Variants in IHO1 observed in about 807,000 individuals in gnomAD.
IHO1 encodes the protein interactor of HORMAD1 protein 1.
IHO1 carries 13 observed loss-of-function variants against 31.0 expected under a neutral mutation model. The ratio of observed to expected loss-of-function variants is 0.42; its 90% confidence interval spans 0.27 to 0.67. The LOEUF (loss-of-function observed/expected upper bound fraction) is 0.67, where lower values mean the gene tolerates loss of function less well. Ranked by LOEUF, IHO1 falls within the 30% of genes least tolerant of loss-of-function variation. The pLI, the probability that IHO1 is intolerant of heterozygous loss-of-function variation, is 0.24. For synonymous variants in IHO1, 221 were observed against 248.4 expected (o/e 0.89, Z 1.04); for missense variants, 599 against 687.5 (o/e 0.87, Z 1.44).
intron 2 of IHO1, among the ~76,000 whole-genome samples, chr3:49,229,607 A>G (rs1268238244): frequency 6.6e-6 from 1 of 152,212 alleles, no homozygotes; most frequent in African/African-American, 2.4e-5. Context: ...ATTACTGATA[A>G]ACATCATACC....
Position 49,256,407 on chromosome 3 carries a change from G to A in IHO1, c.910G>A (p.Ala304Thr). 6.2e-7 allele frequency: 1 copy of A among 1,614,146 alleles called. No individual in the cohort carries two copies. Among genetic ancestry groups the A allele is most frequent in the South Asian group, 1.1e-5 (1 of 91,088 alleles). ...TTTATGGCAGGCCCAGGCCCTCCCTGCTGCATGGAATCCTGGTATGGGCTC... is the reference window on the plus strand; with the variant it reads ...TTTATGGCAGGCCCAGGCCCTCCCTACTGCATGGAATCCTGGTATGGGCTC... ...PVLWQAQALPAAWNPGMGSLQ... is the reference protein window; with the variant it reads ...PVLWQAQALPTAWNPGMGSLQ... Residue 304 changes from alanine (A) to threonine (T), a missense_variant, in exon 8 of 8, where the codon GCT becomes ACT. Physicochemically the swap from Ala to Thr is moderately conservative, Grantham distance 58 (BLOSUM62 0). Transcript: ENST00000452691. The surrounding 1 kb of genome is among the most constrained non-coding windows in gnomAD (Gnocchi z 4.6).
chr3:49,237,366 A>G (rs1330614151), intron 3 of IHO1, among the ~76,000 whole-genome samples: 1 of 152,092 alleles, frequency 6.6e-6, no homozygotes, highest in Non-Finnish European at 1.5e-5. Flanking sequence ...AAACAAAACA[A>G]AAAAACCCGA....
chr3:49,256,485 C>A lies in IHO1; in HGVS notation c.988C>A (p.Leu330Ile). ...VWGEGAKNDD[L>I]QEEAALPAFG... is the part of the protein sequence containing the mutation. ...GGGTGAAGGAGCAAAGAATGATGAT[C>A]TCCAAGAAGAGGCTGCACTGCCAGC... The change falls in exon 8 of 8, where the codon CTC (leucine) becomes ATC (isoleucine). Residue 330 changes from leucine (L) to isoleucine (I), a missense_variant. Leu to Ile is a conservative substitution (Grantham distance 5). Transcript: ENST00000452691. This position sits in a 1 kb window ranked among gnomAD's most constrained non-coding sequence, Gnocchi z 4.6. The A allele has an allele frequency of 6.2e-7, 1 of 1,614,160 alleles. No individual in the cohort carries two copies. The highest frequency in any genetic ancestry group is 8.5e-7 in the Non-Finnish European group (1 of 1,180,034).
chr3:49,209,621 GT>G (rs1199906034), intron 1 of IHO1, among the ~76,000 whole-genome samples: 1 of 151,160 alleles, frequency 6.6e-6, no homozygotes, highest in Non-Finnish European at 1.5e-5. Flanking sequence ...GCGTGACAGA[GT>G]GGGACTTCAT....
At chr3:49,255,891 A>AGG (rs1431995822) in intron 7 of IHO1, among the ~76,000 whole-genome samples, 1 of 151,906 alleles carries the variant, frequency 6.6e-6, no homozygotes, top group East Asian at 1.9e-4. Context: ...CTAAGACAAG[A>AGG]GGCCAGCACA....
intron 6 of IHO1, among the ~76,000 whole-genome samples, chr3:49,247,100 C>T (rs376079724): frequency 1.3e-4 from 19 of 151,988 alleles, no homozygotes; most frequent in African/African-American, 3.9e-4. Context: ...CTGCCCACCT[C>T]GGCCTCCCAA....
At chr3:49,224,462 G>C (rs2046394179) in intron 2 of IHO1, among the ~76,000 whole-genome samples, 1 of 152,236 alleles carries the variant, frequency 6.6e-6, no homozygotes, top group Non-Finnish European at 1.5e-5. Context: ...TCTTCCCAGA[G>C]GTTAGGAACT....
At chr3:49,242,818 A>C (rs2107728426) in intron 4 of IHO1, among the ~76,000 whole-genome samples, 1 of 152,252 alleles carries the variant, frequency 6.6e-6, no homozygotes, top group Non-Finnish European at 1.5e-5. Context: ...ACAAACAAGC[A>C]AAAAAACAAC....
At chr3:49,230,986 AAATAG>A (rs1336079328) in intron 2 of IHO1, among the ~76,000 whole-genome samples, 2 of 152,160 alleles carry the variant, frequency 1.3e-5, no homozygotes, top group African/African-American at 4.8e-5. Flanking sequence ...AGGCTCAAAT[AAATAG>A]AATAGATACA....
chr3:49,245,066 G>A (rs544963880), intron 6 of IHO1: 1 of 554,690 alleles, frequency 1.8e-6, no homozygotes, highest in East Asian at 2.8e-5. Context: ...TCAAATTGCT[G>A]CCTGTGCTGT....
chr3:49,208,608 T>G (rs1031895593), intron 1 of IHO1, among the ~76,000 whole-genome samples: 5 of 152,238 alleles, frequency 3.3e-5, no homozygotes, highest in Admixed American at 6.5e-5. Flanking sequence ...AGAGACCTAA[T>G]GCCTGAGGGA....
intron 4 of IHO1, among the ~76,000 whole-genome samples, chr3:49,241,900 C>T (rs373951720): frequency 1.3e-5 from 2 of 151,578 alleles, no homozygotes; most frequent in African/African-American, 4.8e-5. Context: ...GAATTATAGG[C>T]GTGAGCCACT....
intron 2 of IHO1, among the ~76,000 whole-genome samples, chr3:49,222,621 G>T (rs2046366515): frequency 6.6e-6 from 1 of 152,144 alleles, no homozygotes; most frequent in South Asian, 2.1e-4. Context: ...AATAGTAAAA[G>T]GATTCCATTA....
intron 1 of IHO1, among the ~76,000 whole-genome samples, chr3:49,205,288 G>A (rs998612253): frequency 5.3e-5 from 8 of 151,266 alleles, no homozygotes; most frequent in African/African-American, 9.7e-5. Flanking sequence ...ATGCTAATGC[G>A]TTATAATTAG....
chr3:49,205,255 G>A (rs117062361), intron 1 of IHO1, among the ~76,000 whole-genome samples: 8 of 152,042 alleles, frequency 5.3e-5, no homozygotes, highest in East Asian at 1.9e-4. Context: ...CTGTCATAGC[G>A]CTGGTTGGAG....
chr3:49,222,967 T>A (rs911591719), intron 2 of IHO1, among the ~76,000 whole-genome samples: 1 of 152,156 alleles, frequency 6.6e-6, no homozygotes, highest in Non-Finnish European at 1.5e-5. Flanking sequence ...AATCCATAGA[T>A]GGAGAGGTAG....
upstream of IHO1, among the ~76,000 whole-genome samples, chr3:49,196,047 A>T (rs2045994443): frequency 6.6e-6 from 1 of 151,420 alleles, no homozygotes; most frequent in Non-Finnish European, 1.5e-5. Context: ...TATCCTGGCT[A>T]ACACGGTAAA....
intron 2 of IHO1, among the ~76,000 whole-genome samples, chr3:49,227,338 C>T (rs1237505581): frequency 6.6e-6 from 1 of 152,140 alleles, no homozygotes; most frequent in Non-Finnish European, 1.5e-5. Context: ...GGATGCATTT[C>T]AGGGCTGAGC....
chr3:49,227,809 A>G (rs1159276794), intron 2 of IHO1, among the ~76,000 whole-genome samples: 1 of 152,064 alleles, frequency 6.6e-6, no homozygotes, highest in African/African-American at 2.4e-5. Flanking sequence ...TCCTCACTTG[A>G]ATAGGAAGGA....
Sources: gnomAD v4.1 joint callset for allele counts (sites outside exome capture counted in the v4.1 genomes callset) on GRCh38, gnomAD v4.1.1 for gene constraint, Gnocchi (gnomAD v3.1) non-coding constraint, MANE v1.5 for transcripts, NCBI Gene and HGNC (gene_info 2026-07-23, HGNC 2026-07-21) for gene names.